Variants in MTNAP1 observed in about 807,000 individuals in gnomAD.
MTNAP1 encodes the protein mitochondrial nucleoid-associated protein 1.
the MTNAP1 span, chr17:73,235,485 G>A: frequency 3.1e-6 from 5 of 1,603,916 alleles, no homozygotes; most frequent in South Asian, 4.4e-5. Flanking sequence ...GGAATAGGAT[G>A]AGTGATAATC....
the MTNAP1 span, chr17:73,237,125 C>T: frequency 2.1e-6 from 2 of 975,478 alleles, no homozygotes; most frequent in Non-Finnish European, 2.9e-6. Flanking sequence ...TGCCAGTAGA[C>T]TGCATATAAA....
At chr17:73,234,681 CAAAA>C in the MTNAP1 span, among the ~76,000 whole-genome samples, 6 of 98,018 alleles carry the variant, frequency 6.1e-5, no homozygotes, top group African/African-American at 4.0e-5. Context: ...GACTCTGTCT[CAAAA>C]AAAAAAAAAA....
At chr17:73,235,611 G>C in the MTNAP1 span, 67 of 1,613,974 alleles carry the variant, frequency 4.2e-5, no homozygotes, top group Admixed American at 1.1e-3. Context: ...AAGTTTATCA[G>C]TCCAAGCCAG....
At chr17:73,242,987 G>A in the MTNAP1 span, 1 of 1,613,556 alleles carries the variant, frequency 6.2e-7, no homozygotes, top group Non-Finnish European at 8.5e-7. Context: ...GTTGTAGCTG[G>A]AGTTTCAGAC....
chr17:73,239,533 T>TTTTC, the MTNAP1 span, among the ~76,000 whole-genome samples: 1 of 149,484 alleles, frequency 6.7e-6, no homozygotes, highest in Non-Finnish European at 1.5e-5. Context: ...TTTTTTTTTT[T>TTTTC]CTTGAGACAG....
At chr17:73,243,176 T>C in the MTNAP1 span, 1 of 662,456 alleles carries the variant, frequency 1.5e-6, no homozygotes, top group Non-Finnish European at 2.7e-6. Context: ...TTTTTTGAGA[T>C]ACAGTTTTGC....
the MTNAP1 span, chr17:73,248,942 A>C: frequency 6.0e-6 from 1 of 166,906 alleles, no homozygotes; most frequent in South Asian, 1.5e-4. Flanking sequence ...TAATAAAATT[A>C]TTTGTAAAAT....
chr17:73,235,976 A>G, the MTNAP1 span: 4 of 1,614,240 alleles, frequency 2.5e-6, no homozygotes, highest in Admixed American at 5.0e-5. Flanking sequence ...AGTCGATGTA[A>G]TCCTTCAGAA....
the MTNAP1 span, among the ~76,000 whole-genome samples, chr17:73,239,976 G>A: frequency 6.6e-6 from 1 of 152,178 alleles, no homozygotes; most frequent in Non-Finnish European, 1.5e-5. Flanking sequence ...TGAACCTGGA[G>A]GTATTAACTA....
chr17:73,240,115 C>T, the MTNAP1 span, among the ~76,000 whole-genome samples: 296 of 152,266 alleles, frequency 1.9e-3, 1 homozygote, highest in African/African-American at 6.7e-3. Flanking sequence ...GATACAGTAA[C>T]TTAAAACATT....
chr17:73,242,948 G>C, the MTNAP1 span: 1 of 1,613,600 alleles, frequency 6.2e-7, no homozygotes, highest in Non-Finnish European at 8.5e-7. Flanking sequence ...GTGGCATCAC[G>C]ATGCTCTTCA....
the MTNAP1 span, chr17:73,236,137 A>G: frequency 1.2e-6 from 2 of 1,614,198 alleles, no homozygotes; most frequent in Non-Finnish European, 1.7e-6. Context: ...ACTTCTAGTA[A>G]AATTACTAGA....
At chr17:73,240,829 T>G in the MTNAP1 span, among the ~76,000 whole-genome samples, 1 of 151,906 alleles carries the variant, frequency 6.6e-6, no homozygotes, top group Non-Finnish European at 1.5e-5. Flanking sequence ...TTTCAGGAAG[T>G]TGTCTCTTTA....
the MTNAP1 span, chr17:73,236,363 A>G: frequency 9.3e-6 from 15 of 1,614,040 alleles, no homozygotes; most frequent in African/African-American, 1.9e-4. Flanking sequence ...CAAGTCATGG[A>G]GAAACAAGAG....
the MTNAP1 span, chr17:73,242,206 C>G: frequency 7.1e-7 from 1 of 1,403,392 alleles, no homozygotes; most frequent in Non-Finnish European, 9.9e-7. Flanking sequence ...GGGTACGTTT[C>G]GGTAAACAAT....
the MTNAP1 span, chr17:73,245,367 T>G: frequency 1.5e-6 from 2 of 1,348,854 alleles, no homozygotes; most frequent in South Asian, 3.9e-5. Flanking sequence ...AGTAAACGTA[T>G]TATTAATATA....
the MTNAP1 span, chr17:73,248,303 G>T: frequency 6.7e-6 from 4 of 596,152 alleles, no homozygotes; most frequent in Non-Finnish European, 9.0e-6. Context: ...TACGCTTCAG[G>T]TGTGAGGCGG....
the MTNAP1 span, chr17:73,232,479 G>A: frequency 0.011 from 6,217 of 586,824 alleles, 333 homozygotes; most frequent in African/African-American, 0.11. Flanking sequence ...CCTGTTCACA[G>A]CCAACGGAGG....
At chr17:73,243,068 A>G in the MTNAP1 span, 3 of 994,812 alleles carry the variant, frequency 3.0e-6, no homozygotes, top group South Asian at 4.4e-5. Flanking sequence ...CCTCCAAGGG[A>G]TTCTCTGAAT....
Sources: allele counts gnomAD v4.1 joint callset (sites outside exome capture counted in the v4.1 genomes callset), GRCh38; gene constraint gnomAD v4.1.1; transcripts MANE v1.5; gene names NCBI Gene and HGNC (gene_info 2026-07-23, HGNC 2026-07-21).